PRIMPOL: variants seen among roughly 807,000 people sequenced by gnomAD.
The protein encoded by PRIMPOL is DNA-directed primase/polymerase protein.
A neutral mutation model predicts 63.6 loss-of-function variants in PRIMPOL; 54 were observed. The ratio of observed to expected loss-of-function variants is 0.85; its 90% CI spans 0.68 to 1.07. The LOEUF is 1.07. Ranked by LOEUF, PRIMPOL falls within the 50% of genes least tolerant of loss-of-function variation. The probability of loss-of-function intolerance (pLI) is 0.00; values close to 1 mark genes in which losing one functional copy is unlikely to be tolerated. For synonymous variants in PRIMPOL, 197 were observed against 220.2 expected (o/e 0.89, Z 0.93); for missense variants, 610 against 648.3 (o/e 0.94, Z 0.64).
chr4:184,692,045 G>GAAGT (rs1293111293), intron 13 of PRIMPOL, among the ~76,000 whole-genome samples: 3 of 152,074 alleles, frequency 2.0e-5, no homozygotes, highest in African/African-American at 7.2e-5. Context: ...TGAATTTCTA[G>GAAGT]AAGTAGAATT....
At chr4:184,663,036 A>C (rs990260079) in intron 5 of PRIMPOL, among the ~76,000 whole-genome samples, 4 of 146,054 alleles carry the variant, frequency 2.7e-5, no homozygotes, top group African/African-American at 9.9e-5. Flanking sequence ...TATTATTATT[A>C]TTATTATTAT....
chr4:184,652,138 TG>T (rs1744720669), intron 2 of PRIMPOL, 38 bp downstream of exon 2: 1 of 152,268 alleles, frequency 6.6e-6, no homozygotes, highest in Admixed American at 6.5e-5. Flanking sequence ...GGGAGGTTTC[TG>T]GAGTGGCTCA....
chr4:184,659,402 A>C lies in PRIMPOL; in HGVS notation c.243A>C (p.Thr81=). ...ATGGACAACGTATTTACCTTGTGACAACCTATGCTGAATTTTGGTTTTACT... is the reference window on the plus strand; with the variant it reads ...ATGGACAACGTATTTACCTTGTGACCACCTATGCTGAATTTTGGTTTTACT... ...VGDGQRIYLV[T]TYAEFWFYYK... is the part of the protein sequence containing the mutation. Residue 81 remains threonine, a synonymous_variant, in exon 4 of 14, where the codon ACA becomes ACC. Coordinates refer to ENST00000314970, the MANE Select transcript of PRIMPOL (RefSeq NM_152683.4). 3 of 1,613,964 alleles carry C rather than the reference A, an allele frequency of 1.9e-6. No individual in the cohort carries two copies.
At chr4:184,686,531 T>C (rs1757017158) in intron 11 of PRIMPOL, among the ~76,000 whole-genome samples, 1 of 152,092 alleles carries the variant, frequency 6.6e-6, no homozygotes, top group African/African-American at 2.4e-5. Context: ...AAAACGCCCA[T>C]GGGAAGAGGA....
intron 8 of PRIMPOL, among the ~76,000 whole-genome samples, 178 bp from the exon 9 acceptor site, chr4:184,682,070 T>A (rs894711514): frequency 1.3e-5 from 2 of 152,186 alleles, no homozygotes; most frequent in Non-Finnish European, 2.9e-5. Context: ...ATATTTTTTT[T>A]ATATGTGTAG....
intron 13 of PRIMPOL, among the ~76,000 whole-genome samples, chr4:184,692,341 GCC>G (rs1294809527): frequency 6.6e-6 from 1 of 151,856 alleles, no homozygotes; most frequent in Admixed American, 6.6e-5. Flanking sequence ...AGGTGTGGTG[GCC>G]TATGCCTATA....
At chr4:184,691,758 G>C (rs1207917430) in intron 13 of PRIMPOL, 46 bp downstream of exon 13, 2 of 1,448,942 alleles carry the variant, frequency 1.4e-6, no homozygotes, top group Admixed American at 3.4e-5. Context: ...GGAGTTCTTG[G>C]TACAATAGTA....
In PRIMPOL at chr4:184,685,438, C is replaced by G. The variant is rs997688277; in HGVS notation, c.1126C>G (p.Pro376Ala). 1.9e-6 allele frequency: 3 copies of G among 1,612,690 alleles called. No homozygotes were observed. Among genetic ancestry groups the G allele is most frequent in the Non-Finnish European group, 2.5e-6 (3 of 1,178,722 alleles). Residue 376 changes from proline to alanine, a missense_variant, in exon 10 of 14, where the codon CCC becomes GCC. Around this residue, in one of 3 missense-constraint regions of PRIMPOL, gnomAD observed 444 missense variants for 456.4 expected, o/e 0.97. Transcript: ENST00000314970. Reference sequence around the variant, plus strand: ...AACCATTGAAGGTTTTCAGTGTTCTCCCTATCCTGAAGTTGATCATTTTGT... The same window carrying G: ...AACCATTGAAGGTTTTCAGTGTTCTGCCTATCCTGAAGTTGATCATTTTGT... ...VETIEGFQCSPYPEVDHFVLS... is the reference protein window; with the variant it reads ...VETIEGFQCSAYPEVDHFVLS...
chr4:184,662,191 C>A (rs971610091), intron 5 of PRIMPOL, among the ~76,000 whole-genome samples: 4 of 152,038 alleles, frequency 2.6e-5, no homozygotes, highest in African/African-American at 9.7e-5. Context: ...TATATTAATT[C>A]TCTGACTTCC....
At chr4:184,666,147 T>A in intron 6 of PRIMPOL, 83 bp downstream of exon 6, 1 of 1,059,002 alleles carries the variant, frequency 9.4e-7, no homozygotes, top group Non-Finnish European at 1.3e-6. Context: ...TGTGTGTACT[T>A]ATCAAGTTTT....
chr4:184,667,464 CCA>C (rs1750319336), intron 6 of PRIMPOL, among the ~76,000 whole-genome samples: 1 of 152,178 alleles, frequency 6.6e-6, no homozygotes, highest in Non-Finnish European at 1.5e-5. Context: ...GCGTGTGCCA[CCA>C]TGCCCGGCTA....
At chr4:184,659,559 C>A in intron 4 of PRIMPOL, 122 bp downstream of exon 4, 1 of 717,796 alleles carries the variant, frequency 1.4e-6, no homozygotes, top group Non-Finnish European at 2.5e-6. Context: ...CTATTAGTTG[C>A]TCTTAGAATT....
chr4:184,680,197 A>AT (rs113312511), intron 8 of PRIMPOL, among the ~76,000 whole-genome samples: 122,632 of 151,026 alleles, frequency 0.81, 50,257 homozygotes, highest in East Asian at 1. Context: ...TCTAAATATA[A>AT]TTTTTTTTTT....
At chr4:184,661,938 CCATCTCTTCATTGGCT>C in intron 5 of PRIMPOL, 35 bp downstream of exon 5, 1 of 1,593,918 alleles carries the variant, frequency 6.3e-7, no homozygotes, top group Non-Finnish European at 8.6e-7. Flanking sequence ...TTATTTCTAT[CCATCTCTTCATTGGCT>C]TATTCATTCA....
At chr4:184,657,386 C>A in intron 3 of PRIMPOL, 66 bp downstream of exon 3, 2 of 1,179,354 alleles carry the variant, frequency 1.7e-6, no homozygotes, top group South Asian at 1.8e-5. Flanking sequence ...TCTTCTTCTT[C>A]ATTATAATTT....
chr4:184,691,654 T>A lies in PRIMPOL; in HGVS notation c.1379-12T>A. On this transcript the variant is annotated splice_polypyrimidine_tract_variant and intron_variant, in intron 12 of 13. Transcript: ENST00000314970. ...TGTAATATGTAATAGTTTTGCTATCTTTCTGATTCAGGTTTCCCATTACCT... is the reference window on the plus strand; with the variant it reads ...TGTAATATGTAATAGTTTTGCTATCATTCTGATTCAGGTTTCCCATTACCT... 1.9e-6 allele frequency: 3 copies of A among 1,611,614 alleles called. No homozygotes were observed. The highest frequency in any genetic ancestry group is 2.5e-6 in the Non-Finnish European group (3 of 1,177,970).
intron 3 of PRIMPOL, among the ~76,000 whole-genome samples, chr4:184,657,880 C>A (rs908486307): frequency 1.1e-4 from 17 of 152,094 alleles, no homozygotes; most frequent in African/African-American, 4.1e-4. Context: ...GTAATCCCAG[C>A]TACTCCCAAG....
chr4:184,664,769 G>C (rs1749367036), intron 5 of PRIMPOL, among the ~76,000 whole-genome samples: 1 of 152,190 alleles, frequency 6.6e-6, no homozygotes. Flanking sequence ...CTTCTACAGA[G>C]GGAGAGAACA....
In PRIMPOL at chr4:184,678,332, AC is replaced by A. The variant is rs1215554090; in HGVS notation, c.946del (p.Gln316SerfsTer51). 1.2e-6 allele frequency: 2 copies of A among 1,608,660 alleles called. No individual in the cohort carries two copies. The highest frequency in any genetic ancestry group is 2.7e-5 in the African/African-American group (2 of 74,656). On this transcript the variant is annotated frameshift_variant, in exon 8 of 14. Transcript: ENST00000314970. LOFTEE classifies it high-confidence loss of function. ...CTGAAGATAACAAATTTTTTCCTAT[AC>A]AGTCAAAAGATGTTTCTGACGAATA... ...VTEDNKFFPI[Q>X]SKDVSDEYQY...
Sources: gnomAD v4.1 joint callset for allele counts (sites outside exome capture counted in the v4.1 genomes callset) on GRCh38, gnomAD v4.1.1 for gene constraint, gnomAD v4.1.1 regional missense constraint, MANE v1.5 for transcripts, NCBI Gene and HGNC (gene_info 2026-07-23, HGNC 2026-07-21) for gene names.